The following CDYL2 variants were observed in gnomAD, a reference collection of about 807,000 sequenced individuals.
The protein encoded by CDYL2 is chromodomain Y like 2.
CDYL2 carries 23 observed loss-of-function variants against 49.4 expected under a neutral mutation model. That is an observed-to-expected ratio of 0.47 (90% CI 0.34 to 0.66). CDYL2 has a LOEUF of 0.66. Ranked by LOEUF, CDYL2 falls within the 30% of genes least tolerant of loss-of-function variation. The probability of loss-of-function intolerance (pLI) is 0.01; values close to 1 mark genes in which losing one functional copy is unlikely to be tolerated. For synonymous variants in CDYL2, 360 were observed against 268.8 expected (o/e 1.34, Z -3.32); for missense variants, 678 against 656.4 (o/e 1.03, Z -0.36).
chr16:80,731,427 A>G (rs1181841985), intron 1 of CDYL2, among the ~76,000 whole-genome samples: 1 of 152,192 alleles, frequency 6.6e-6, no homozygotes, highest in Non-Finnish European at 1.5e-5. Context: ...AAAAAGGAGA[A>G]AATCAATAAC....
chr16:80,781,669 G>A (rs1196296558), intron 1 of CDYL2, among the ~76,000 whole-genome samples: 1 of 151,480 alleles, frequency 6.6e-6, no homozygotes, highest in African/African-American at 2.4e-5. Context: ...TTTAAAATCT[G>A]AGAAAAAAAA....
chr16:80,778,117 C>T (rs1002315509), intron 1 of CDYL2, among the ~76,000 whole-genome samples: 1 of 151,868 alleles, frequency 6.6e-6, no homozygotes, highest in African/African-American at 2.4e-5. Context: ...AATATCCATT[C>T]TTTGTCAAGA....
At position 80,804,224 on chromosome 16, in the gene CDYL2, C is replaced by A; in HGVS notation, c.-51G>T. On this transcript the variant is annotated 5_prime_UTR_variant, in exon 1 of 7. Coordinates refer to ENST00000570137, the MANE Select transcript of CDYL2 (RefSeq NM_152342.4). Reference sequence around the variant, plus strand: ...GGTGTGCGCGTCTGCTCGCTCGCGCCCTCCGTGCGTGTGCGCGCGGGGTCC... The same window carrying A: ...GGTGTGCGCGTCTGCTCGCTCGCGCACTCCGTGCGTGTGCGCGCGGGGTCC... 7.5e-7 allele frequency: 1 copy of A among 1,333,658 alleles called. No homozygotes were observed. The allele number at this position is 1,333,658 out of a possible 1,614,324, so 82.6% of individuals were successfully genotyped here. A position where few individuals can be genotyped will look rare whatever the true frequency, so the allele number is the denominator to read the frequency against.
intron 4 of CDYL2, among the ~76,000 whole-genome samples, chr16:80,617,597 G>C (rs1188517719): frequency 6.6e-6 from 1 of 152,166 alleles, no homozygotes; most frequent in Non-Finnish European, 1.5e-5. Flanking sequence ...GCACTCCCGA[G>C]TTGGGAGAGC....
intron 1 of CDYL2, among the ~76,000 whole-genome samples, chr16:80,791,373 T>G (rs1272767602): frequency 6.6e-6 from 1 of 152,222 alleles, no homozygotes; most frequent in Non-Finnish European, 1.5e-5. Context: ...CAGATTGGTT[T>G]TTGAGTCTTG....
At chr16:80,742,862 T>C (rs545977295) in intron 1 of CDYL2, among the ~76,000 whole-genome samples, 246 of 151,026 alleles carry the variant, frequency 1.6e-3, no homozygotes, top group Non-Finnish European at 2.1e-3. Context: ...GATATATGAA[T>C]GGGTGAGTGG....
intron 1 of CDYL2, among the ~76,000 whole-genome samples, chr16:80,783,424 T>C (rs754604088): frequency 6.6e-5 from 10 of 152,044 alleles, no homozygotes; most frequent in Non-Finnish European, 1.3e-4. Context: ...GGGTGTAAAA[T>C]GGAAAATGGT....
chr16:80,783,574 T>C (rs1056569341), intron 1 of CDYL2, among the ~76,000 whole-genome samples: 3 of 152,116 alleles, frequency 2.0e-5, no homozygotes. Context: ...AATGGAAAAG[T>C]GGAAACAACC....
chr16:80,726,016 C>A (rs1485067461), intron 1 of CDYL2, among the ~76,000 whole-genome samples: 1 of 152,170 alleles, frequency 6.6e-6, no homozygotes, highest in Non-Finnish European at 1.5e-5. Context: ...AAGCTTCCTC[C>A]ATTATGTATG....
At chr16:80,716,555 A>G (rs1904806768) in intron 1 of CDYL2, among the ~76,000 whole-genome samples, 1 of 152,076 alleles carries the variant, frequency 6.6e-6, no homozygotes, top group East Asian at 1.9e-4. Context: ...TAAATGGATG[A>G]TAATGGATAG....
chr16:80,772,580 G>C (rs1273775108), intron 1 of CDYL2, among the ~76,000 whole-genome samples: 2 of 152,164 alleles, frequency 1.3e-5, no homozygotes, highest in Non-Finnish European at 2.9e-5. Flanking sequence ...AGCCTCCCAA[G>C]TAGCTGGGAC....
intron 1 of CDYL2, among the ~76,000 whole-genome samples, chr16:80,732,730 T>A (rs1252902899): frequency 1.3e-5 from 2 of 151,780 alleles, no homozygotes; most frequent in Non-Finnish European, 2.9e-5. Flanking sequence ...GGGCATTACA[T>A]GAGATTTGAA....
chr16:80,624,545 A>G (rs1484021993), intron 3 of CDYL2, among the ~76,000 whole-genome samples: 1 of 150,524 alleles, frequency 6.6e-6, no homozygotes, highest in East Asian at 1.9e-4. Flanking sequence ...ATTACACAGG[A>G]AAAAAAACCC....
chr16:80,712,608 G>C (rs1485422181), intron 1 of CDYL2, among the ~76,000 whole-genome samples: 2 of 152,020 alleles, frequency 1.3e-5, no homozygotes, highest in African/African-American at 4.8e-5. Context: ...GCAGAAAGAA[G>C]GTGGACTCCA....
chr16:80,608,271 G>A, intron 5 of CDYL2, 36 bp from the exon 6 acceptor site: 2 of 1,529,124 alleles, frequency 1.3e-6, no homozygotes, highest in Non-Finnish European at 1.8e-6. Context: ...CTGAGGGCCT[G>A]GAGGTCCACC....
intron 5 of CDYL2, among the ~76,000 whole-genome samples, chr16:80,611,939 G>C: frequency 6.6e-6 from 1 of 152,210 alleles, no homozygotes; most frequent in East Asian, 1.9e-4. Context: ...CTGGTGACAC[G>C]ACTTCTCTGA....
At chr16:80,721,013 G>T (rs1904980360) in intron 1 of CDYL2, among the ~76,000 whole-genome samples, 1 of 152,050 alleles carries the variant, frequency 6.6e-6, no homozygotes, top group South Asian at 2.1e-4. Flanking sequence ...GCTCATCCTG[G>T]AGAGACCCTA....
intron 1 of CDYL2, among the ~76,000 whole-genome samples, chr16:80,797,754 A>G (rs564348002): frequency 1.1e-4 from 16 of 151,956 alleles, no homozygotes; most frequent in Non-Finnish European, 1.9e-4. Flanking sequence ...TTCTTTTTCA[A>G]CCTTTCAATT....
intron 1 of CDYL2, among the ~76,000 whole-genome samples, chr16:80,768,899 TATA>T (rs1315866585): frequency 1.3e-5 from 2 of 152,232 alleles, no homozygotes; most frequent in Non-Finnish European, 2.9e-5. Flanking sequence ...GAAAATGGCA[TATA>T]ATAAGTATCC....
Sources: allele counts gnomAD v4.1 joint callset (sites outside exome capture counted in the v4.1 genomes callset), GRCh38; gene constraint gnomAD v4.1.1; transcripts MANE v1.5; gene names NCBI Gene and HGNC (gene_info 2026-07-23, HGNC 2026-07-21).